Variants in ANO6 observed in about 807,000 individuals in gnomAD.
ANO6 encodes anoctamin 6.
ANO6 carries 106 observed loss-of-function variants against 117.5 expected under a neutral mutation model. The ratio of observed to expected loss-of-function variants is 0.90; its 90% CI spans 0.77 to 1.06. The LOEUF (loss-of-function observed/expected upper bound fraction) is 1.06. ANO6 is among the 50% of genes least tolerant of loss of function. The probability of loss-of-function intolerance (pLI) is 0.00; values close to 1 mark genes in which losing one functional copy is unlikely to be tolerated. For missense variants in ANO6, 955 were observed against 1,121.1 expected (o/e 0.85, Z 2.12); for synonymous variants, 367 against 385.1 (o/e 0.95, Z 0.55).
At chr12:45,410,242 G>T (rs1398902002) in intron 16 of ANO6, among the ~76,000 whole-genome samples, 1 of 152,136 alleles carries the variant, frequency 6.6e-6, no homozygotes, top group African/African-American at 2.4e-5. Context: ...GAATGGTCCC[G>T]GGATGCCCAC....
At chr12:45,243,275 T>C (rs1442613046) in intron 1 of ANO6, among the ~76,000 whole-genome samples, 1 of 152,198 alleles carries the variant, frequency 6.6e-6, no homozygotes, top group African/African-American at 2.4e-5. Context: ...GCCATGATTG[T>C]GCCACTGCAC....
chr12:45,412,181 AAACGTAGT>A (rs1165411571), intron 16 of ANO6, among the ~76,000 whole-genome samples: 4 of 152,210 alleles, frequency 2.6e-5, no homozygotes, highest in Admixed American at 2.6e-4. Flanking sequence ...AGAACATAAT[AAACGTAGT>A]TGTCTGTATT....
intron 15 of ANO6, among the ~76,000 whole-genome samples, chr12:45,407,487 C>G (rs1487743660): frequency 2.7e-5 from 1 of 37,170 alleles, no homozygotes; most frequent in East Asian, 1.9e-3. Flanking sequence ...GAGTCACCCC[C>G]CCCCCCCCCC....
At chr12:45,433,929 T>C (rs1405017083), downstream of ANO6, among the ~76,000 whole-genome samples, 3 of 152,244 alleles carry the variant, frequency 2.0e-5, no homozygotes, top group Non-Finnish European at 4.4e-5. Context: ...ACAAATGCTC[T>C]TAATAGCATT....
intron 1 of ANO6, among the ~76,000 whole-genome samples, chr12:45,256,232 A>T (rs1327125147): frequency 6.6e-6 from 1 of 152,180 alleles, no homozygotes; most frequent in Non-Finnish European, 1.5e-5. Context: ...GTTGGCAGAG[A>T]TGACCAAATA....
chr12:45,375,277 T>G (rs59941402), intron 9 of ANO6, among the ~76,000 whole-genome samples: 22,627 of 151,968 alleles, frequency 0.15, 2,316 homozygotes, highest in East Asian at 0.46. Flanking sequence ...TGGCCATACT[T>G]CCCAAGGTAA....
intron 2 of ANO6, among the ~76,000 whole-genome samples, chr12:45,319,611 T>A (rs149389519): frequency 0.021 from 3,230 of 152,286 alleles, 123 homozygotes; most frequent in African/African-American, 0.073. Flanking sequence ...GGCTTTGGTA[T>A]CAGGATGATG....
intron 7 of ANO6, among the ~76,000 whole-genome samples, chr12:45,355,620 C>T (rs1321573182): frequency 6.6e-6 from 1 of 152,196 alleles, no homozygotes; most frequent in Non-Finnish European, 1.5e-5. Flanking sequence ...CTGAACCTGC[C>T]GTTTGCCTGC....
In ANO6 at chr12:45,346,521, G is replaced by T. The variant is rs182157513; in HGVS notation, c.280-501G>T. ...TATCTGAATTTTGCCAAAATTGCCT[G>T]TGTTGTTTTATTGAATTTGGTCAAG... is the stretch of plus-strand genomic sequence containing the variant. On this transcript the variant is annotated intron_variant, in intron 3 of 19. Coordinates refer to ENST00000320560, the MANE Select transcript of ANO6 (RefSeq NM_001025356.3). Among the ~76,000 whole-genome samples the T allele has an allele frequency of 1.4e-4, 21 of 152,300 alleles. No individual in the cohort carries two copies. In the East Asian group the frequency reaches 3.7e-3, roughly 27 times the overall value.
At chr12:45,377,002 C>A (rs1265887591) in intron 9 of ANO6, among the ~76,000 whole-genome samples, 1 of 151,904 alleles carries the variant, frequency 6.6e-6, no homozygotes, top group African/African-American at 2.4e-5. Context: ...TGTCGCTATT[C>A]TTTTATGAAG....
intron 1 of ANO6, among the ~76,000 whole-genome samples, chr12:45,284,402 G>C (rs1237972883): frequency 1.3e-5 from 2 of 152,170 alleles, no homozygotes; most frequent in African/African-American, 4.8e-5. Context: ...AGGAATTCTG[G>C]CTTCTAAACT....
Position 45,432,185 on chromosome 12 carries a change from A to G in ANO6, c.*2874A>G. On this transcript the variant is annotated 3_prime_UTR_variant, in exon 20 of 20. Coordinates refer to ENST00000320560, the MANE Select transcript of ANO6 (RefSeq NM_001025356.3). ...TGAGCAGCTTAACTGAAGTAGAACT[A>G]TTCATGATGCTTTTCACACATTGTG... 4.1e-6 allele frequency: 4 copies of G among 985,096 alleles called. No individual in the cohort carries two copies. Among genetic ancestry groups the G allele is most frequent in the Non-Finnish European group, 4.8e-6 (4 of 829,650 alleles). The allele number at this position is 985,096 out of a possible 1,614,324, so 61.0% of individuals were successfully genotyped here. A position where few individuals can be genotyped will look rare whatever the true frequency, so the allele number is the denominator to read the frequency against.
chr12:45,239,802 G>C, intron 1 of ANO6, among the ~76,000 whole-genome samples: 1 of 152,100 alleles, frequency 6.6e-6, no homozygotes, highest in Non-Finnish European at 1.5e-5. Flanking sequence ...TTCAGGAGCA[G>C]GTTGTTCAGT....
chr12:45,251,395 A>AT, intron 1 of ANO6, among the ~76,000 whole-genome samples: 1 of 152,226 alleles, frequency 6.6e-6, no homozygotes, highest in African/African-American at 2.4e-5. Flanking sequence ...TTGCACAGAG[A>AT]TTCAGCCAGG....
At chr12:45,379,305 A>G (rs1159558777) in intron 10 of ANO6, among the ~76,000 whole-genome samples, 1 of 152,216 alleles carries the variant, frequency 6.6e-6, no homozygotes. Flanking sequence ...CAGACAATCC[A>G]GTTATTTTGC....
intron 1 of ANO6, among the ~76,000 whole-genome samples, chr12:45,240,513 G>T (rs1433913131): frequency 2.0e-5 from 3 of 151,834 alleles, no homozygotes; most frequent in African/African-American, 7.2e-5. Context: ...CAATTTGCCA[G>T]TCTGTGTCTT....
chr12:45,302,120 T>G, intron 2 of ANO6, 27 bp downstream of exon 2: 3 of 1,599,444 alleles, frequency 1.9e-6, no homozygotes, highest in Non-Finnish European at 2.6e-6. Context: ...TATCTTAAAT[T>G]TGTATTCTTA....
At chr12:45,377,900 A>G (rs561726899) in intron 9 of ANO6, among the ~76,000 whole-genome samples, 153 bp from the exon 10 acceptor site, 69 of 152,342 alleles carry the variant, frequency 4.5e-4, no homozygotes, top group Admixed American at 3.7e-3. Context: ...TGTAGTGGAT[A>G]CATTGAATGA....
chr12:45,355,095 A>G (rs974746831), intron 7 of ANO6, among the ~76,000 whole-genome samples: 1 of 152,190 alleles, frequency 6.6e-6, no homozygotes, highest in Non-Finnish European at 1.5e-5. Context: ...GGGAGGGGGT[A>G]GGGGACTGCT....
Sources: allele counts gnomAD v4.1 joint callset (sites outside exome capture counted in the v4.1 genomes callset), GRCh38; gene constraint gnomAD v4.1.1; transcripts MANE v1.5; gene names NCBI Gene and HGNC (gene_info 2026-07-23, HGNC 2026-07-21).